Variants in RIMS1 observed in about 807,000 individuals in gnomAD.
The protein encoded by RIMS1 is regulating synaptic membrane exocytosis 1, also known as regulating synaptic membrane exocytosis protein 1.
In RIMS1, 83 loss-of-function variants were observed where a neutral mutation model predicts 214.1. The observed-to-expected ratio is 0.39, with a 90% CI of 0.32 to 0.47. The LOEUF (loss-of-function observed/expected upper bound fraction) is 0.47, where lower values mean the gene tolerates loss of function less well. Among genes scored for constraint, RIMS1 ranks in the 20% least tolerant of loss-of-function variants. The pLI is 0.99. For synonymous variants in RIMS1, 793 were observed against 786.8 expected, an observed-to-expected ratio of 1.01 and a Z score of -0.13; for missense variants, 2,050 against 2,161.8, an observed-to-expected ratio of 0.95 and a Z score of 1.03.
chr6:72,133,093 C>T (rs2040711409), intron 4 of RIMS1, among the ~76,000 whole-genome samples: 1 of 151,924 alleles, frequency 6.6e-6, no homozygotes, highest in Non-Finnish European at 1.5e-5. Flanking sequence ...AACAGACAGG[C>T]AACAGGAAAT....
intron 26 of RIMS1, among the ~76,000 whole-genome samples, chr6:72,305,918 A>G (rs2095109408): frequency 6.6e-6 from 1 of 152,220 alleles, no homozygotes; most frequent in Non-Finnish European, 1.5e-5. Context: ...TGATAAAAGT[A>G]TGATTAAAAC....
At chr6:72,339,174 G>C (rs2096953870) in intron 29 of RIMS1, among the ~76,000 whole-genome samples, 1 of 151,858 alleles carries the variant, frequency 6.6e-6, no homozygotes, top group Admixed American at 6.6e-5. Flanking sequence ...CTTTCTTGAA[G>C]AGGTAAAGCC....
At chr6:72,370,553 T>A (rs1346774802) in intron 29 of RIMS1, among the ~76,000 whole-genome samples, 1 of 152,228 alleles carries the variant, frequency 6.6e-6, no homozygotes, top group Non-Finnish European at 1.5e-5. Flanking sequence ...TATTTTTTAC[T>A]TCTGATTCTA....
chr6:71,921,731 G>A (rs1194316179), intron 1 of RIMS1, among the ~76,000 whole-genome samples: 1 of 152,058 alleles, frequency 6.6e-6, no homozygotes, highest in African/African-American at 2.4e-5. Flanking sequence ...TCCTCTAGTG[G>A]GAACCATAAG....
At chr6:72,048,826 G>A (rs1823797231) in intron 2 of RIMS1, among the ~76,000 whole-genome samples, 1 of 152,162 alleles carries the variant, frequency 6.6e-6, no homozygotes, top group South Asian at 2.1e-4. Flanking sequence ...TTTGAGGAAG[G>A]GGTGGACTGC....
intron 1 of RIMS1, among the ~76,000 whole-genome samples, chr6:71,936,322 G>A (rs1163941475): frequency 3.1e-5 from 2 of 65,054 alleles, no homozygotes; most frequent in African/African-American, 7.0e-5. Flanking sequence ...GCGAGACTCC[G>A]TCTCAAAAAA....
intron 28 of RIMS1, chr6:72,316,974 C>T (rs944839620): frequency 1.4e-5 from 8 of 576,930 alleles, no homozygotes; most frequent in East Asian, 4.0e-5. Flanking sequence ...TGGAGAGGGT[C>T]GAGGGCCCAG....
At chr6:71,978,629 A>G (rs1797741142) in intron 2 of RIMS1, among the ~76,000 whole-genome samples, 1 of 152,120 alleles carries the variant, frequency 6.6e-6, no homozygotes, top group Admixed American at 6.6e-5. Flanking sequence ...CATATATTTT[A>G]TCATGAATGA....
chr6:72,056,660 T>G (rs1826266729), intron 2 of RIMS1, among the ~76,000 whole-genome samples: 1 of 152,204 alleles, frequency 6.6e-6, no homozygotes, highest in African/African-American at 2.4e-5. Context: ...TGGCCTCTAA[T>G]GACAAATATG....
At chr6:72,253,659 A>ATAT (rs902661017) in intron 16 of RIMS1, among the ~76,000 whole-genome samples, 3 of 152,296 alleles carry the variant, frequency 2.0e-5, no homozygotes, top group African/African-American at 7.2e-5. Context: ...TGCCCTTGAT[A>ATAT]TATATGCCCT....
intron 6 of RIMS1, among the ~76,000 whole-genome samples, chr6:72,203,971 A>C (rs990562183): frequency 2.0e-5 from 3 of 152,164 alleles, no homozygotes; most frequent in Non-Finnish European, 4.4e-5. Context: ...GTTGAATATT[A>C]ATTTGAAGAC....
At chr6:72,030,433 A>G (rs1004299962) in intron 2 of RIMS1, among the ~76,000 whole-genome samples, 1 of 152,168 alleles carries the variant, frequency 6.6e-6, no homozygotes, top group Non-Finnish European at 1.5e-5. Flanking sequence ...ATCATAATGG[A>G]TGTTTGAAAG....
At chr6:72,127,872 C>T (rs550120709) in intron 4 of RIMS1, among the ~76,000 whole-genome samples, 12 of 152,214 alleles carry the variant, frequency 7.9e-5, no homozygotes, top group Admixed American at 1.3e-4. Context: ...CGCTTACATA[C>T]AACCAAGTAG....
chr6:71,993,593 G>A (rs111756018), intron 2 of RIMS1, among the ~76,000 whole-genome samples: 1,730 of 152,242 alleles, frequency 0.011, 9 homozygotes, highest in Non-Finnish European at 0.017. Context: ...GGTACATAAG[G>A]ACAAAACAAC....
intron 6 of RIMS1, among the ~76,000 whole-genome samples, chr6:72,224,838 T>G (rs969851416): frequency 1.3e-5 from 2 of 152,174 alleles, no homozygotes; most frequent in South Asian, 2.1e-4. Flanking sequence ...GCTTGACCAG[T>G]TTTTCATTGA....
At chr6:71,900,643 T>G (rs1302591833) in intron 1 of RIMS1, among the ~76,000 whole-genome samples, 1 of 152,048 alleles carries the variant, frequency 6.6e-6, no homozygotes, top group Non-Finnish European at 1.5e-5. Context: ...TTGTTTTAAT[T>G]GATTGAATAT....
At chr6:72,399,144 A>G (rs760379102) in intron 33 of RIMS1, 50 bp downstream of exon 33, 3 of 1,466,124 alleles carry the variant, frequency 2.0e-6, no homozygotes, top group Admixed American at 2.1e-5. Flanking sequence ...TGTTTTACCC[A>G]TACATCGAAG....
chr6:72,345,327 A>T (rs2097221778), intron 29 of RIMS1, among the ~76,000 whole-genome samples: 1 of 150,440 alleles, frequency 6.6e-6, no homozygotes, highest in African/African-American at 2.5e-5. Context: ...TAATTTTTCT[A>T]TGCATTTGTA....
intron 6 of RIMS1, among the ~76,000 whole-genome samples, chr6:72,218,037 G>T (rs1213028617): frequency 7.9e-5 from 12 of 151,168 alleles, no homozygotes; most frequent in African/African-American, 2.9e-4. Context: ...GTAGAAAAAA[G>T]ACACAATTAT....
Sources: gnomAD v4.1 joint callset for allele counts (sites outside exome capture counted in the v4.1 genomes callset) on GRCh38, gnomAD v4.1.1 for gene constraint, MANE v1.5 for transcripts, NCBI Gene and HGNC (gene_info 2026-07-23, HGNC 2026-07-21) for gene names.